RIF1: variants seen among roughly 807,000 people sequenced by gnomAD.
The protein encoded by RIF1 is replication timing regulatory factor 1, also known as telomere-associated protein RIF1.
RIF1 carries 45 observed loss-of-function variants against 247.1 expected under a neutral mutation model. That is an observed-to-expected ratio of 0.18 (90% CI 0.14 to 0.23). The LOEUF (loss-of-function observed/expected upper bound fraction) is 0.23, where lower values mean the gene tolerates loss of function less well. Among genes scored for constraint, RIF1 ranks in the 10% least tolerant of loss-of-function variants. The pLI is 1.00. For synonymous variants in RIF1, 1,087 were observed against 978.8 expected (o/e 1.11, Z -2.06); for missense variants, 2,967 against 2,862.5 (o/e 1.04, Z -0.83).
At chr2:151,448,630 C>T (rs1693734260) in intron 20 of RIF1, among the ~76,000 whole-genome samples, 1 of 152,176 alleles carries the variant, frequency 6.6e-6, no homozygotes, top group Non-Finnish European at 1.5e-5. Context: ...GAGGTTTCTG[C>T]TTCCTTTTCC....
At chr2:151,431,551 T>G (rs979630458) in intron 9 of RIF1, among the ~76,000 whole-genome samples, 10 of 152,230 alleles carry the variant, frequency 6.6e-5, no homozygotes, top group Non-Finnish European at 1.5e-4. Flanking sequence ...CCCAGCACTT[T>G]GAGAGGCGGG....
In RIF1 at chr2:151,464,575, G is replaced by A. The variant is rs1426816080; in HGVS notation, c.5055G>A (p.Lys1685=). The change falls in exon 30 of 36, where the codon AAG becomes AAA. Residue 1685 remains lysine (K), a synonymous_variant. Transcript: ENST00000444746. ...RTRNAIKRLH[K]RDSFDNCSLG... ...GAAATGCCATTAAGAGATTACATAA[G>A]CGAGACTCTTTTGATAATTGTAGTT... is the stretch of plus-strand genomic sequence containing the variant. 3.7e-6 allele frequency: 6 copies of A among 1,613,438 alleles called. No individual in the cohort carries two copies. The African/African-American group carries it at 8.0e-5, about 22-fold the overall frequency.
In RIF1 at chr2:151,465,485, G is replaced by C; in HGVS notation, c.5965G>C (p.Glu1989Gln). 1.2e-6 allele frequency: 2 copies of C among 1,614,020 alleles called. No homozygotes were observed. The highest frequency in any genetic ancestry group is 1.7e-6 in the Non-Finnish European group (2 of 1,179,984). The change falls in exon 30 of 36, where the codon GAG becomes CAG. Residue 1989 changes from glutamate (E) to glutamine (Q), a missense_variant. Coordinates refer to ENST00000444746, the MANE Select transcript of RIF1 (RefSeq NM_018151.5). The stretch of plus-strand genomic sequence containing the variant: ...ACCTGTAAAATTGAATGCTCAAACT[G>C]AGATTTCTGAACAAACAGCAGCTGG... The part of the protein sequence containing the change: ...TTPVKLNAQT[E>Q]ISEQTAAGEL...
At chr2:151,484,042 T>C (rs1293183014), downstream of RIF1, among the ~76,000 whole-genome samples, 1 of 152,238 alleles carries the variant, frequency 6.6e-6, no homozygotes, top group African/African-American at 2.4e-5. Context: ...TTATACTGTA[T>C]TGTTTAAGGA....
At chr2:151,438,778 T>A in intron 14 of RIF1, 32 bp downstream of exon 14, 1 of 1,385,106 alleles carries the variant, frequency 7.2e-7, no homozygotes, top group Non-Finnish European at 1.0e-6. Flanking sequence ...AAATGTTGTT[T>A]TTTGAAACAG....
the RIF1 span, chr2:151,526,011 G>A: frequency 2.5e-6 from 4 of 1,613,884 alleles, no homozygotes; most frequent in Non-Finnish European, 2.5e-6. Flanking sequence ...CGGGTCTCTG[G>A]TAGTGTTGTG....
chr2:151,499,279 AT>A, intron 10 of RIF1: 1 of 1,266,734 alleles, frequency 7.9e-7, no homozygotes. Context: ...AATTAAAGGG[AT>A]TTTTTATTTT....
At position 151,469,757 on chromosome 2, in the gene RIF1, A is replaced by G. The variant is rs1351830356; in HGVS notation, c.6988A>G (p.Ile2330Val). 9 of 1,609,194 alleles carry G rather than the reference A, an allele frequency of 5.6e-6. No homozygotes were observed. Among genetic ancestry groups the G allele is most frequent in the Middle Eastern group, 1.7e-4 (1 of 6,028 alleles). ...CATTAGAGCTAAGAATATAAAAACT[A>G]TTGGTGATTTGAGTACTCTTACAGC... ...QLIRAKNIKT[I>V]GDLSTLTASE... The change falls in exon 34 of 36, where the codon ATT becomes GTT. Residue 2330 changes from isoleucine to valine, a missense_variant. Around this residue, in one of 7 missense-constraint regions of RIF1, gnomAD observed 3 missense variants for 16.7 expected, o/e 0.18. Transcript: ENST00000444746.
Position 151,463,582 on chromosome 2 carries a change from T to C in RIF1, c.4062T>C (p.Asn1354=), listed in dbSNP as rs374606260. The change falls in exon 30 of 36, where the codon AAT becomes AAC. Residue 1354 remains asparagine (N), a synonymous_variant. Transcript: ENST00000444746. ...CTGAATCTACAATGGAGCATGACAA[T>C]ACAAAGCTTAAAGCAGCAACAGTGG... is the stretch of plus-strand genomic sequence containing the variant. ...HLSESTMEHD[N]TKLKAATVEN... is the part of the protein sequence containing the mutation. 1.9e-6 allele frequency: 3 copies of C among 1,613,728 alleles called. No homozygotes were observed. Among genetic ancestry groups the C allele is most frequent in the African/African-American group, 2.7e-5 (2 of 74,904 alleles).
chr2:151,510,312 G>A (rs1575594291), downstream of RIF1, among the ~76,000 whole-genome samples: 1 of 152,192 alleles, frequency 6.6e-6, no homozygotes, highest in East Asian at 1.9e-4. Context: ...TCATTATTTT[G>A]TTATGCTTTA....
At position 151,465,516 on chromosome 2, in the gene RIF1, T is replaced by A; in HGVS notation, c.5996T>A (p.Leu1999Gln). Residue 1999 changes from leucine to glutamine, a missense_variant, in exon 30 of 36, where the codon CTA becomes CAA. Coordinates refer to ENST00000444746, the MANE Select transcript of RIF1 (RefSeq NM_018151.5). ...EISEQTAAGE[L>Q]DGGNDVSDLH... ...TCTGAACAAACAGCAGCTGGGGAAC[T>A]AGATGGAGGAAATGATGTATCTGAT... 6 of 1,613,800 alleles carry A rather than the reference T, an allele frequency of 3.7e-6. No individual in the cohort carries two copies. The highest frequency in any genetic ancestry group is 4.2e-6 in the Non-Finnish European group (5 of 1,179,874).
At chr2:151,426,360 G>C (rs571024171) in intron 8 of RIF1, among the ~76,000 whole-genome samples, 1 of 151,284 alleles carries the variant, frequency 6.6e-6, no homozygotes, top group Admixed American at 6.6e-5. Context: ...ATTTTTAGTA[G>C]AGACAGTGTT....
At position 151,463,692 on chromosome 2, in the gene RIF1, T is replaced by C; in HGVS notation, c.4172T>C (p.Val1391Ala). The C allele has an allele frequency of 6.2e-7, 1 of 1,613,858 alleles. No homozygotes were observed. Among genetic ancestry groups the C allele is most frequent in the Non-Finnish European group, 8.5e-7 (1 of 1,179,882 alleles). The change falls in exon 30 of 36, where the codon GTA becomes GCA. Residue 1391 changes from valine to alanine, a missense_variant. Coordinates refer to ENST00000444746, the MANE Select transcript of RIF1 (RefSeq NM_018151.5). Reference protein sequence around the residue: ...NLESKENTPPVVISADQMVNE... With the variant: ...NLESKENTPPAVISADQMVNE... ...GAATCCAAAGAGAATACACCCCCAG[T>C]AGTAATATCAGCAGATCAAATGGTA...
chr2:151,424,402 G>T (rs941283527), intron 8 of RIF1, among the ~76,000 whole-genome samples: 5 of 152,124 alleles, frequency 3.3e-5, no homozygotes, highest in Admixed American at 6.6e-5. Context: ...GTGCCTGGAA[G>T]CATAAAGTTT....
rs751147613 is a variant in RIF1, at chr2:151,463,203, A to G, written c.3683A>G (p.Asp1228Gly). Residue 1228 changes from aspartate (D) to glycine (G), a missense_variant, in exon 30 of 36, where the codon GAT becomes GGT. Asp to Gly is a moderately conservative substitution (Grantham distance 94). This residue lies in a region of RIF1 where 2,028 missense variants were observed against 1,825.6 expected (regional missense o/e 1.11). Coordinates refer to ENST00000444746, the MANE Select transcript of RIF1 (RefSeq NM_018151.5). ...RQTFITLEKF[D>G]GSENRPFSPS... ...ACCTTTATTACTTTGGAGAAGTTTG[A>G]TGGTTCAGAAAATAGACCTTTTAGT... The G allele has an allele frequency of 1.1e-5, 17 of 1,614,070 alleles. No individual in the cohort carries two copies. In the African/African-American group the frequency reaches 1.9e-4, roughly 18 times the overall value.
intron 9 of RIF1, 69 bp downstream of exon 9, chr2:151,428,991 T>C: frequency 1.9e-6 from 2 of 1,027,122 alleles, no homozygotes; most frequent in South Asian, 3.1e-5. Context: ...AAATGAAGTT[T>C]TTCTGGTTTT....
intron 21 of RIF1, among the ~76,000 whole-genome samples, chr2:151,453,480 G>A (rs1348051916): frequency 6.6e-6 from 1 of 151,202 alleles, no homozygotes; most frequent in Non-Finnish European, 1.5e-5. Context: ...GGGAATCTGA[G>A]GCAGGAGAAT....
rs1037292749 is a variant in RIF1, at chr2:151,505,356, G to A, written c.*862-854G>A. The A allele has an allele frequency of 1.5e-5, 13 of 851,142 alleles. No individual in the cohort carries two copies. The South Asian group carries it at 2.1e-4, about 14-fold the overall frequency. The allele number at this position is 851,142 out of a possible 1,614,324, so 52.7% of individuals were successfully genotyped here. ...TAGTGACCCCATCAAGACTAAGGGA[G>A]AATTCACAACATCCCCAAGGCATGG... On this transcript the variant is annotated intron_variant and NMD_transcript_variant, in intron 12 of 13. Coordinates refer to the RIF1 transcript ENST00000454583.
At chr2:151,436,239 T>C (rs910613414) in intron 11 of RIF1, among the ~76,000 whole-genome samples, 4 of 149,098 alleles carry the variant, frequency 2.7e-5, no homozygotes, top group Non-Finnish European at 6.0e-5. Flanking sequence ...AAAAACAAAA[T>C]AAAACAAAAA....
Sources: allele counts gnomAD v4.1 joint callset (sites outside exome capture counted in the v4.1 genomes callset), GRCh38; gene constraint gnomAD v4.1.1; regional missense constraint gnomAD v4.1.1; transcripts MANE v1.5; gene names NCBI Gene and HGNC (gene_info 2026-07-23, HGNC 2026-07-21).